Variants in COXFA4L2 observed in about 807,000 individuals in gnomAD.
The protein encoded by COXFA4L2 is NADH dehydrogenase (ubiquinone) 1 alpha subcomplex, 4-like 2.
chr12:57,235,497 G>A, the COXFA4L2 span: 1 of 1,537,422 alleles, frequency 6.5e-7, no homozygotes, highest in South Asian at 1.1e-5. Context: ...GGCCTGCGGG[G>A]AGGAGTGGAA....
chr12:57,237,291 C>T, the COXFA4L2 span: 1 of 1,434,616 alleles, frequency 7.0e-7, no homozygotes, highest in Middle Eastern at 1.8e-4. Context: ...TGTCTGGGAG[C>T]CAAGTGGTTT....
the COXFA4L2 span, chr12:57,236,911 C>T: frequency 1.4e-6 from 2 of 1,407,072 alleles, no homozygotes; most frequent in Admixed American, 1.7e-5. Context: ...CTGGGGCAAC[C>T]TTAGGGGAAG....
chr12:57,238,850 C>A, the COXFA4L2 span, among the ~76,000 whole-genome samples: 1 of 152,236 alleles, frequency 6.6e-6, no homozygotes, highest in African/African-American at 2.4e-5. This position sits in a 1 kb window ranked among gnomAD's most constrained non-coding sequence, Gnocchi z 6.8. Context: ...CTCCGCCACT[C>A]TCTGACCCTT....
At chr12:57,235,662 C>T in the COXFA4L2 span, 2 of 1,613,650 alleles carry the variant, frequency 1.2e-6, no homozygotes, top group Non-Finnish European at 1.7e-6. Context: ...TACCCCAAGC[C>T]TCCCTTTGCT....
chr12:57,238,689 C>T, the COXFA4L2 span, among the ~76,000 whole-genome samples: 1 of 152,382 alleles, frequency 6.6e-6, no homozygotes, highest in East Asian at 1.9e-4. The surrounding 1 kb of genome is among the most constrained non-coding windows in gnomAD (Gnocchi z 6.8). Flanking sequence ...CGCCTGCTTC[C>T]TTGTGCCCTT....
the COXFA4L2 span, chr12:57,235,845 C>T: frequency 2.0e-6 from 3 of 1,505,268 alleles, no homozygotes; most frequent in Non-Finnish European, 2.7e-6. Flanking sequence ...AGGGTCTCCT[C>T]CCTGGGACCC....
chr12:57,238,411 G>C, the COXFA4L2 span, among the ~76,000 whole-genome samples: 3 of 152,288 alleles, frequency 2.0e-5, no homozygotes, highest in East Asian at 3.9e-4. This position sits in a 1 kb window ranked among gnomAD's most constrained non-coding sequence, Gnocchi z 6.8. Flanking sequence ...TGTGTGTGGG[G>C]GGGGCGGGGG....
chr12:57,236,977 T>C, the COXFA4L2 span: 3 of 1,608,702 alleles, frequency 1.9e-6, no homozygotes, highest in African/African-American at 1.3e-5. Context: ...ATTTGGAGGG[T>C]GGGGCAGCAG....
chr12:57,235,634 A>T, the COXFA4L2 span: 1 of 1,614,050 alleles, frequency 6.2e-7, no homozygotes, highest in Non-Finnish European at 8.5e-7. Flanking sequence ...GAGGAGAGGG[A>T]AAGGGGGTTG....
chr12:57,235,221 T>TCACGTAGGCCACGCTCAA, the COXFA4L2 span: 1 of 336,430 alleles, frequency 3.0e-6, no homozygotes, highest in Non-Finnish European at 5.6e-6. Context: ...TCTTGTTGGC[T>TCACGTAGGCCACGCTCAA]CACGTAGGCC....
the COXFA4L2 span, chr12:57,239,895 G>T: frequency 6.6e-6 from 1 of 152,604 alleles, no homozygotes. The surrounding 1 kb of genome is among the most constrained non-coding windows in gnomAD (Gnocchi z 5.5). Context: ...CCACTCCCCA[G>T]CTCTATTCCT....
chr12:57,236,592 C>G, the COXFA4L2 span: 1 of 1,577,588 alleles, frequency 6.3e-7, no homozygotes, highest in African/African-American at 1.3e-5. Context: ...CGTGCCTTTA[C>G]CAGACGTCGG....
At chr12:57,238,808 T>TGCA in the COXFA4L2 span, among the ~76,000 whole-genome samples, 1 of 152,196 alleles carries the variant, frequency 6.6e-6, no homozygotes, top group Non-Finnish European at 1.5e-5. This position sits in a 1 kb window ranked among gnomAD's most constrained non-coding sequence, Gnocchi z 6.8. Flanking sequence ...CTCACCGAGA[T>TGCA]GCAACGTTAC....
chr12:57,239,308 G>T, the COXFA4L2 span, among the ~76,000 whole-genome samples: 2 of 152,208 alleles, frequency 1.3e-5, no homozygotes, highest in African/African-American at 4.8e-5. The surrounding 1 kb of genome is among the most constrained non-coding windows in gnomAD (Gnocchi z 5.5). Context: ...CACTCCCGGC[G>T]TTCGGGCCGC....
chr12:57,238,948 C>T, the COXFA4L2 span, among the ~76,000 whole-genome samples: 1 of 152,230 alleles, frequency 6.6e-6, no homozygotes, highest in South Asian at 2.1e-4. The surrounding 1 kb of genome is among the most constrained non-coding windows in gnomAD (Gnocchi z 6.8). Flanking sequence ...GCCCATGGGG[C>T]CGATCTGGAA....
the COXFA4L2 span, chr12:57,240,108 C>T: frequency 6.6e-6 from 1 of 152,298 alleles, no homozygotes; most frequent in Admixed American, 6.5e-5. Context: ...GCTCGGGAGC[C>T]CCGGGGCCCC....
At chr12:57,235,431 G>T in the COXFA4L2 span, 2 of 984,596 alleles carry the variant, frequency 2.0e-6, no homozygotes, top group Non-Finnish European at 3.2e-6. Flanking sequence ...CCCTCTGCGT[G>T]GGAACCCGGC....
the COXFA4L2 span, chr12:57,239,964 C>A: frequency 1.3e-5 from 2 of 152,348 alleles, no homozygotes; most frequent in Admixed American, 6.5e-5. The surrounding 1 kb of genome is among the most constrained non-coding windows in gnomAD (Gnocchi z 5.5). Flanking sequence ...CCCGGAGACG[C>A]CTCGGGGCAC....
the COXFA4L2 span, chr12:57,240,676 T>G: frequency 1.0e-6 from 1 of 985,034 alleles, no homozygotes; most frequent in Non-Finnish European, 1.2e-6. Flanking sequence ...GAGACACACA[T>G]ACCTGCAGGC....
Sources: allele counts gnomAD v4.1 joint callset (sites outside exome capture counted in the v4.1 genomes callset), GRCh38; gene constraint gnomAD v4.1.1; non-coding constraint Gnocchi (gnomAD v3.1); transcripts MANE v1.5; gene names NCBI Gene and HGNC (gene_info 2026-07-23, HGNC 2026-07-21).